CRB1: variants seen among roughly 807,000 people sequenced by gnomAD.
CRB1 encodes crumbs cell polarity complex component 1, also known as protein crumbs homolog 1.
CRB1 carries 83 observed loss-of-function variants against 120.0 expected under a neutral mutation model. The ratio of observed to expected loss-of-function variants is 0.69; its 90% CI spans 0.58 to 0.83. The LOEUF is 0.83. Ranked by LOEUF, CRB1 falls within the 40% of genes least tolerant of loss-of-function variation. The probability of loss-of-function intolerance (pLI) is 0.00; values close to 1 mark genes in which losing one functional copy is unlikely to be tolerated. For missense variants in CRB1, 1,699 were observed against 1,687.6 expected (o/e 1.01, Z -0.12); for synonymous variants, 625 against 612.5 (o/e 1.02, Z -0.30).
intron 2 of CRB1, among the ~76,000 whole-genome samples, chr1:197,335,813 A>G (rs1007560157): frequency 6.6e-6 from 1 of 152,214 alleles, no homozygotes; most frequent in Non-Finnish European, 1.5e-5. Flanking sequence ...AAGTTTTAAC[A>G]GTAACTTTCT....
In CRB1 at chr1:197,319,387, C is replaced by T. The variant is rs567106636; in HGVS notation, c.71-9035C>T. 7.5e-5 allele frequency among the ~76,000 whole-genome samples: 9 copies of T among 120,380 alleles called. No individual in the cohort carries two copies. The South Asian group carries it at 2.6e-3, about 35-fold the overall frequency. The allele number at this position is 120,380 out of a possible 152,430, so 79.0% of individuals were successfully genotyped here. ...AGGTTGCAATGAGCTGAGATCATGC[C>T]ACTACACTACACTGCAGCCTGGGTG... On this transcript the variant is annotated intron_variant, in intron 1 of 11. Transcript: ENST00000367400.
At chr1:197,263,782 T>C (rs1338020095), upstream of CRB1, among the ~76,000 whole-genome samples, 1 of 151,886 alleles carries the variant, frequency 6.6e-6, no homozygotes, top group Admixed American at 6.6e-5. Flanking sequence ...TGATCTATTC[T>C]AAAAAAAACT....
At position 197,435,312 on chromosome 1, in the gene CRB1, A is replaced by G; in HGVS notation, c.3449A>G (p.His1150Arg). Reference protein sequence around the residue: ...LNVCNSNPCLHGGNCEDIYSS... With the variant: ...LNVCNSNPCLRGGNCEDIYSS... ...GTCTGCAACTCCAACCCCTGTTTGC[A>G]TGGAGGAAACTGTGAAGACATCTAT... The change falls in exon 9 of 12, where the codon CAT (histidine) becomes CGT (arginine). Residue 1150 changes from histidine (H) to arginine (R), a missense_variant. His to Arg is a conservative substitution (Grantham distance 29). Transcript: ENST00000367400. The G allele has an allele frequency of 6.2e-7, 1 of 1,613,772 alleles. No homozygotes were observed. The highest frequency in any genetic ancestry group is 1.3e-5 in the African/African-American group (1 of 75,010).
intron 1 of CRB1, among the ~76,000 whole-genome samples, chr1:197,308,287 G>T (rs1013701509): frequency 1.3e-5 from 2 of 152,112 alleles, no homozygotes; most frequent in South Asian, 2.1e-4. Context: ...CTACTTGGAG[G>T]GGGGCATGGG....
chr1:197,263,195 T>C, the CRB1 span, among the ~76,000 whole-genome samples: 1 of 152,208 alleles, frequency 6.6e-6, no homozygotes, highest in African/African-American at 2.4e-5. Flanking sequence ...CATCTGTTGT[T>C]TTTTGACTTA....
intron 4 of CRB1, among the ~76,000 whole-genome samples, chr1:197,355,470 G>A (rs1429424213): frequency 6.6e-6 from 1 of 152,328 alleles, no homozygotes; most frequent in East Asian, 1.9e-4. Context: ...TGGAAGCTGG[G>A]GCTGCTCAGG....
At chr1:197,252,278 A>G in the CRB1 span, among the ~76,000 whole-genome samples, 1 of 151,292 alleles carries the variant, frequency 6.6e-6, no homozygotes, top group East Asian at 2.0e-4. Context: ...TGATTTTTTT[A>G]ACCATTTAAA....
chr1:197,371,243 A>G (rs1661354750), intron 5 of CRB1, among the ~76,000 whole-genome samples: 1 of 152,112 alleles, frequency 6.6e-6, no homozygotes, highest in Admixed American at 6.5e-5. Context: ...ACAAAGGTAC[A>G]ATTATGGTTA....
At chr1:197,316,219 C>A (rs1254146355) in intron 1 of CRB1, among the ~76,000 whole-genome samples, 1 of 151,790 alleles carries the variant, frequency 6.6e-6, no homozygotes, top group Non-Finnish European at 1.5e-5. Context: ...GAGTCTCACT[C>A]TTTCGCCCAG....
intron 11 of CRB1, among the ~76,000 whole-genome samples, chr1:197,452,239 A>T (rs1241107266): frequency 6.6e-6 from 1 of 152,192 alleles, no homozygotes; most frequent in Non-Finnish European, 1.5e-5. Context: ...CCCATTTGCC[A>T]GAGAGATTGT....
intron 10 of CRB1, chr1:197,441,667 T>TC (rs2125512293): frequency 6.9e-6 from 1 of 143,982 alleles, no homozygotes; most frequent in East Asian, 2.0e-4. Context: ...TTCTTTTTTT[T>TC]TTTTTTTTTT....
intron 5 of CRB1, among the ~76,000 whole-genome samples, chr1:197,374,654 C>A (rs1185338377): frequency 2.6e-5 from 4 of 152,176 alleles, no homozygotes; most frequent in African/African-American, 9.7e-5. Flanking sequence ...GTTTTACATT[C>A]AATTTCACTT....
the CRB1 span, among the ~76,000 whole-genome samples, chr1:197,214,349 T>G: frequency 6.6e-6 from 1 of 152,252 alleles, no homozygotes; most frequent in South Asian, 2.1e-4. Context: ...ATGCATGAGT[T>G]CAGCATCTGA....
intron 1 of CRB1, among the ~76,000 whole-genome samples, chr1:197,322,114 A>G (rs1012154603): frequency 3.9e-5 from 6 of 152,188 alleles, no homozygotes; most frequent in Non-Finnish European, 1.5e-5. Context: ...ACTAAAATTA[A>G]GTGTGCTAGA....
chr1:197,251,636 T>G, the CRB1 span, among the ~76,000 whole-genome samples: 1 of 152,060 alleles, frequency 6.6e-6, no homozygotes, highest in African/African-American at 2.4e-5. Context: ...ATATTGATCC[T>G]CCCTGGCTTC....
chr1:197,320,113 T>A (rs990228516), intron 1 of CRB1, among the ~76,000 whole-genome samples: 5 of 152,272 alleles, frequency 3.3e-5, no homozygotes, highest in African/African-American at 1.2e-4. Flanking sequence ...GCATCCCTAC[T>A]TTATTTCTGC....
intron 2 of CRB1, 47 bp downstream of exon 2, chr1:197,329,050 C>G (rs1025749443): frequency 4.0e-6 from 6 of 1,509,812 alleles, no homozygotes; most frequent in Non-Finnish European, 5.5e-6. Context: ...TTAGCTCTTT[C>G]TAAGTGGCAG....
intron 2 of CRB1, among the ~76,000 whole-genome samples, chr1:197,340,784 G>A (rs2125322752): frequency 6.6e-6 from 1 of 152,234 alleles, no homozygotes; most frequent in African/African-American, 2.4e-5. Context: ...GCACAGGTGG[G>A]GAGATGAAGG....
At chr1:197,327,946 A>G (rs1036927852) in intron 1 of CRB1, among the ~76,000 whole-genome samples, 2 of 152,220 alleles carry the variant, frequency 1.3e-5, no homozygotes, top group African/African-American at 4.8e-5. Context: ...AAAAGTCTGA[A>G]ACTCACAGTG....
Sources: gnomAD v4.1 joint callset for allele counts (sites outside exome capture counted in the v4.1 genomes callset) on GRCh38, gnomAD v4.1.1 for gene constraint, MANE v1.5 for transcripts, NCBI Gene and HGNC (gene_info 2026-07-23, HGNC 2026-07-21) for gene names.